The following AOAH variants were observed in gnomAD, a reference collection of about 807,000 sequenced individuals.
AOAH encodes the protein acyloxyacyl hydrolase (neutrophil).
Under a neutral mutation model 92.2 loss-of-function variants are expected in AOAH, and 64 were observed. That is an observed-to-expected ratio of 0.69 (90% CI 0.57 to 0.86). The LOEUF is 0.86. Among genes scored for constraint, AOAH ranks in the 40% least tolerant of loss-of-function variants. The probability of loss-of-function intolerance (pLI) is 0.00; values close to 1 mark genes in which losing one functional copy is unlikely to be tolerated. For missense variants in AOAH, 656 were observed against 694.6 expected (o/e 0.94, Z 0.62); for synonymous variants, 263 against 254.5 (o/e 1.03, Z -0.32).
chr7:36,563,147 C>CAAAAAAAA (rs60240330), intron 13 of AOAH, among the ~76,000 whole-genome samples: 5 of 36,062 alleles, frequency 1.4e-4, no homozygotes, highest in African/African-American at 4.8e-4. Flanking sequence ...AACTCCGTCT[C>CAAAAAAAA]AAAAAAAAAA....
chr7:36,549,416 A>T, intron 14 of AOAH, 23 bp downstream of exon 14: 7 of 1,573,246 alleles, frequency 4.4e-6, no homozygotes, highest in Non-Finnish European at 5.2e-6. Context: ...CAAATTAAAA[A>T]CAACTTCTTA....
chr7:36,633,483 A>C (rs1405082189), intron 5 of AOAH, among the ~76,000 whole-genome samples: 2 of 152,186 alleles, frequency 1.3e-5, no homozygotes, highest in Non-Finnish European at 2.9e-5. Flanking sequence ...GATGCACACT[A>C]AAGCTGAAGT....
At chr7:36,543,951 T>TTTTTTC (rs1562552876) in intron 15 of AOAH, among the ~76,000 whole-genome samples, 1 of 35,730 alleles carries the variant, frequency 2.8e-5, no homozygotes, top group Non-Finnish European at 6.2e-5. Flanking sequence ...TTCTTTCTTT[T>TTTTTTC]TTTTTTTTTT....
At chr7:36,646,912 C>G (rs1425778672) in intron 4 of AOAH, among the ~76,000 whole-genome samples, 1 of 152,212 alleles carries the variant, frequency 6.6e-6, no homozygotes, top group East Asian at 1.9e-4. Flanking sequence ...CTCAAAATTC[C>G]TTTTGCTGTC....
chr7:36,704,396 A>G (rs1468183901), intron 1 of AOAH, among the ~76,000 whole-genome samples: 3 of 152,184 alleles, frequency 2.0e-5, no homozygotes, highest in Non-Finnish European at 4.4e-5. Context: ...TCTAGAAGAA[A>G]TGGATAAATT....
intron 19 of AOAH, among the ~76,000 whole-genome samples, chr7:36,529,443 A>G (rs1784571517): frequency 6.6e-6 from 1 of 152,214 alleles, no homozygotes; most frequent in Non-Finnish European, 1.5e-5. Flanking sequence ...TAGGCAGGAA[A>G]TCTAGTTAAG....
intron 16 of AOAH, among the ~76,000 whole-genome samples, chr7:36,539,506 T>C (rs1055950264): frequency 6.6e-6 from 1 of 152,234 alleles, no homozygotes; most frequent in Non-Finnish European, 1.5e-5. Flanking sequence ...AATATAAGCT[T>C]TCTGTGGGCA....
At position 36,540,476 on chromosome 7, in the gene AOAH, G is replaced by A; in HGVS notation, c.1149C>T (p.Val383=). The A allele has an allele frequency of 6.2e-6, 10 of 1,610,798 alleles. No homozygotes were observed. The highest frequency in any genetic ancestry group is 8.5e-6 in the Non-Finnish European group (10 of 1,178,442). ...NDVCSGKSDP[V]PAMTTPEKLY... is the part of the protein sequence containing the mutation. ...GTTTCTCAGGAGTGGTCATGGCTGG[G>A]ACTGGGTCACTCTTCCTGTTGGTGG... Residue 383 remains valine, a synonymous_variant, in exon 16 of 21, where the codon GTC becomes GTT. Coordinates refer to ENST00000617537, the MANE Select transcript of AOAH (RefSeq NM_001637.4).
chr7:36,537,520 T>TTG (rs1554281688), intron 16 of AOAH, among the ~76,000 whole-genome samples: 28 of 145,146 alleles, frequency 1.9e-4, no homozygotes, highest in East Asian at 5.6e-4. Context: ...TTTTTTTTTT[T>TTG]TTGTTTGTTT....
chr7:36,599,110 T>C (rs1422346253), intron 11 of AOAH, among the ~76,000 whole-genome samples: 1 of 152,246 alleles, frequency 6.6e-6, no homozygotes, highest in Non-Finnish European at 1.5e-5. Context: ...TTTTACAGCA[T>C]AGTTGGCACA....
intron 4 of AOAH, among the ~76,000 whole-genome samples, chr7:36,639,005 G>C (rs1764408514): frequency 6.6e-6 from 1 of 152,190 alleles, no homozygotes; most frequent in African/African-American, 2.4e-5. Flanking sequence ...CACTGTGATA[G>C]TCCCACCCAG....
chr7:36,564,230 T>G (rs1398604424), intron 13 of AOAH, among the ~76,000 whole-genome samples: 2 of 152,194 alleles, frequency 1.3e-5, no homozygotes, highest in African/African-American at 4.8e-5. Flanking sequence ...TTAACTCGTA[T>G]GTAAAGTCTT....
intron 19 of AOAH, among the ~76,000 whole-genome samples, chr7:36,529,668 A>G (rs1784582659): frequency 6.6e-6 from 1 of 152,220 alleles, no homozygotes; most frequent in East Asian, 1.9e-4. Flanking sequence ...CTTCATTAGC[A>G]TTATCTCATC....
intron 3 of AOAH, among the ~76,000 whole-genome samples, chr7:36,664,376 T>C (rs1487391159): frequency 3.3e-5 from 5 of 152,218 alleles, no homozygotes; most frequent in African/African-American, 4.8e-5. Flanking sequence ...ATGACCATCT[T>C]TTTTTAAATC....
chr7:36,716,865 C>G (rs1799217753), intron 1 of AOAH, among the ~76,000 whole-genome samples: 1 of 151,842 alleles, frequency 6.6e-6, no homozygotes, highest in Non-Finnish European at 1.5e-5. Context: ...GGAGATATAC[C>G]TAATGTTAAA....
At chr7:36,604,665 G>A (rs905485456) in intron 11 of AOAH, among the ~76,000 whole-genome samples, 1 of 152,130 alleles carries the variant, frequency 6.6e-6, no homozygotes, top group Non-Finnish European at 1.5e-5. Context: ...GCAGGATTAC[G>A]GGCAGCTACC....
intron 12 of AOAH, among the ~76,000 whole-genome samples, chr7:36,582,687 G>T (rs10253046): frequency 0.44 from 66,667 of 151,942 alleles, 14,866 homozygotes; most frequent in Admixed American, 0.52. Flanking sequence ...AATAAAAGAT[G>T]GCCTCCCATG....
intron 11 of AOAH, among the ~76,000 whole-genome samples, chr7:36,603,347 A>C (rs750497002): frequency 1.3e-5 from 2 of 152,010 alleles, no homozygotes; most frequent in Non-Finnish European, 2.9e-5. Flanking sequence ...TCTCACCACA[A>C]GCTCTTCCTC....
intron 3 of AOAH, among the ~76,000 whole-genome samples, chr7:36,669,428 G>A: frequency 6.9e-6 from 1 of 145,806 alleles, no homozygotes; most frequent in Non-Finnish European, 1.5e-5. Context: ...TGTTGCCCAG[G>A]CTGGAGTGCA....
Sources: allele counts gnomAD v4.1 joint callset (sites outside exome capture counted in the v4.1 genomes callset), GRCh38; gene constraint gnomAD v4.1.1; transcripts MANE v1.5; gene names NCBI Gene and HGNC (gene_info 2026-07-23, HGNC 2026-07-21).